CCSER1: variants seen among roughly 807,000 people sequenced by gnomAD.
CCSER1 encodes the protein coiled-coil serine rich protein 1.
In CCSER1, 41 loss-of-function variants were observed where a neutral mutation model predicts 82.0. The ratio of observed to expected loss-of-function variants is 0.50; its 90% confidence interval spans 0.39 to 0.65. The LOEUF is 0.65. Ranked by LOEUF, CCSER1 falls within the 30% of genes least tolerant of loss-of-function variation. The pLI, the probability that CCSER1 is intolerant of heterozygous loss-of-function variation, is 0.00. For synonymous variants in CCSER1, 414 were observed against 383.9 expected, an observed-to-expected ratio of 1.08 and a Z score of -0.92; for missense variants, 1,119 against 1,064.2, an observed-to-expected ratio of 1.05 and a Z score of -0.72.
At chr4:91,316,099 A>C (rs961431110) in intron 10 of CCSER1, among the ~76,000 whole-genome samples, 2 of 151,984 alleles carry the variant, frequency 1.3e-5, no homozygotes, top group African/African-American at 4.8e-5. Flanking sequence ...GCCATGTAGG[A>C]CGTAACTTTG....
intron 10 of CCSER1, among the ~76,000 whole-genome samples, chr4:91,145,206 G>A (rs1022040547): frequency 8.5e-5 from 13 of 152,048 alleles, no homozygotes; most frequent in African/African-American, 2.7e-4. Context: ...ATATCGTTAT[G>A]TAATGCTCTT....
intron 1 of CCSER1, among the ~76,000 whole-genome samples, chr4:90,269,856 G>T (rs146859521): frequency 6.6e-6 from 1 of 151,832 alleles, no homozygotes; most frequent in East Asian, 1.9e-4. Context: ...AATTGATACC[G>T]CAAAAATTCA....
intron 5 of CCSER1, among the ~76,000 whole-genome samples, chr4:90,618,785 T>G (rs906013408): frequency 2.6e-5 from 4 of 151,916 alleles, no homozygotes; most frequent in Non-Finnish European, 5.9e-5. Context: ...AAACTCTTAT[T>G]GTTGATAAGA....
chr4:90,347,988 C>A (rs986097321), intron 3 of CCSER1, among the ~76,000 whole-genome samples: 1 of 152,064 alleles, frequency 6.6e-6, no homozygotes, highest in Admixed American at 6.5e-5. Context: ...AGCTGGAGGA[C>A]ATTATCTTTA....
chr4:91,286,306 C>G (rs944895733), intron 10 of CCSER1, among the ~76,000 whole-genome samples: 14 of 151,722 alleles, frequency 9.2e-5, no homozygotes, highest in African/African-American at 3.1e-4. Context: ...AATAATTTAT[C>G]AACGTTAAAT....
intron 10 of CCSER1, among the ~76,000 whole-genome samples, chr4:91,349,203 G>A (rs560007488): frequency 1.3e-5 from 2 of 149,550 alleles, no homozygotes; most frequent in South Asian, 4.2e-4. Flanking sequence ...CACGGCGCCC[G>A]GCCAATTTTT....
intron 6 of CCSER1, among the ~76,000 whole-genome samples, chr4:90,634,057 T>A (rs1490528462): frequency 6.6e-6 from 1 of 151,740 alleles, no homozygotes; most frequent in East Asian, 1.9e-4. Context: ...CTTAAATTTT[T>A]AAAAAATTTT....
intron 10 of CCSER1, among the ~76,000 whole-genome samples, chr4:91,356,189 G>C (rs559053866): frequency 5.8e-4 from 88 of 152,342 alleles, no homozygotes; most frequent in African/African-American, 2.1e-3. Context: ...GCCTTGGCCA[G>C]GGCCCTACAG....
intron 7 of CCSER1, among the ~76,000 whole-genome samples, chr4:90,765,295 T>C (rs1334157061): frequency 6.6e-6 from 1 of 152,170 alleles, no homozygotes; most frequent in African/African-American, 2.4e-5. Context: ...GATTCTGAAT[T>C]ACTGCATAAA....
intron 3 of CCSER1, among the ~76,000 whole-genome samples, chr4:90,353,605 A>T (rs536913528): frequency 1.2e-4 from 19 of 152,056 alleles, no homozygotes; most frequent in Non-Finnish European, 2.2e-4. Context: ...ACATCCTCTC[A>T]CCCAACAAAA....
At chr4:90,817,587 T>C (rs2149773330) in intron 8 of CCSER1, among the ~76,000 whole-genome samples, 1 of 152,240 alleles carries the variant, frequency 6.6e-6, no homozygotes, top group Admixed American at 6.5e-5. Flanking sequence ...CATTTTAATT[T>C]TGTGCTATTG....
intron 9 of CCSER1, among the ~76,000 whole-genome samples, chr4:90,956,117 A>G (rs1293847458): frequency 6.6e-6 from 1 of 152,194 alleles, no homozygotes; most frequent in Non-Finnish European, 1.5e-5. Context: ...GTAAATATTT[A>G]AAGTGGGTAA....
chr4:91,201,713 G>T (rs1289725673), intron 10 of CCSER1, among the ~76,000 whole-genome samples: 1 of 152,026 alleles, frequency 6.6e-6, no homozygotes, highest in Admixed American at 6.6e-5. Context: ...TTAGTGTATT[G>T]GTTGGTGGCA....
intron 10 of CCSER1, among the ~76,000 whole-genome samples, chr4:91,291,057 A>AT (rs1268408497): frequency 3.3e-5 from 5 of 151,096 alleles, no homozygotes; most frequent in African/African-American, 1.2e-4. Flanking sequence ...ATTAAAATCA[A>AT]TTTTTTCTTT....
intron 9 of CCSER1, among the ~76,000 whole-genome samples, chr4:90,950,450 C>G (rs1400687975): frequency 6.6e-6 from 1 of 151,930 alleles, no homozygotes; most frequent in African/African-American, 2.4e-5. Flanking sequence ...GTGCTGCAGC[C>G]TAATATCATC....
chr4:91,355,472 A>G (rs1353764674), intron 10 of CCSER1, among the ~76,000 whole-genome samples: 2 of 152,148 alleles, frequency 1.3e-5, no homozygotes, highest in Non-Finnish European at 2.9e-5. Context: ...CTTGGATAGA[A>G]TAGCATTATA....
chr4:90,670,502 G>A (rs1250084534), intron 6 of CCSER1, among the ~76,000 whole-genome samples: 1 of 151,336 alleles, frequency 6.6e-6, no homozygotes, highest in Non-Finnish European at 1.5e-5. Context: ...GTACCTCCAT[G>A]TATTCTTTAT....
chr4:90,889,357 T>C (rs10018425), intron 8 of CCSER1, among the ~76,000 whole-genome samples: 62,495 of 152,014 alleles, frequency 0.41, 13,358 homozygotes, highest in Non-Finnish European at 0.48. Context: ...GCTTCTCTTA[T>C]TGACTCACTC....
chr4:90,730,384 C>T (rs946939006), intron 7 of CCSER1, among the ~76,000 whole-genome samples: 1 of 152,052 alleles, frequency 6.6e-6, no homozygotes, highest in Non-Finnish European at 1.5e-5. Flanking sequence ...TATATTTCTG[C>T]ATTTCTGGTC....
Sources: allele counts gnomAD v4.1 joint callset (sites outside exome capture counted in the v4.1 genomes callset), GRCh38; gene constraint gnomAD v4.1.1; transcripts MANE v1.5; gene names NCBI Gene and HGNC (gene_info 2026-07-23, HGNC 2026-07-21).